AK9: variants seen among roughly 807,000 people sequenced by gnomAD.
The protein encoded by AK9 is adenylate kinase 9.
AK9 carries 191 observed loss-of-function variants against 239.6 expected under a neutral mutation model. The ratio of observed to expected loss-of-function variants is 0.80; its 90% CI spans 0.71 to 0.90. The LOEUF is 0.90. Ranked by LOEUF, AK9 falls within the 40% of genes least tolerant of loss-of-function variation. AK9 has a pLI of 0.00. For synonymous variants in AK9, 689 were observed against 721.0 expected (o/e 0.96, Z 0.71); for missense variants, 1,995 against 2,214.7 (o/e 0.90, Z 1.99).
At chr6:109,576,420 C>CTTTTT (rs3060763) in intron 20 of AK9, among the ~76,000 whole-genome samples, 34,311 of 102,468 alleles carry the variant, frequency 0.33, 7,486 homozygotes, top group South Asian at 0.48. Context: ...CATATATATA[C>CTTTTT]TTTTTTTTTT....
intron 15 of AK9, among the ~76,000 whole-genome samples, chr6:109,613,848 C>T (rs1583258585): frequency 6.6e-6 from 1 of 151,832 alleles, no homozygotes; most frequent in East Asian, 1.9e-4. Flanking sequence ...AAAATTGTGG[C>T]CTTAAGATGC....
At chr6:109,677,398 G>A (rs761448649) in intron 1 of AK9, among the ~76,000 whole-genome samples, 1 of 152,050 alleles carries the variant, frequency 6.6e-6, no homozygotes, top group Non-Finnish European at 1.5e-5. Flanking sequence ...GATATATCAT[G>A]TGCACTAACT....
intron 33 of AK9, among the ~76,000 whole-genome samples, 162 bp downstream of exon 33, chr6:109,509,017 A>G (rs1445640672): frequency 3.9e-5 from 6 of 152,204 alleles, no homozygotes; most frequent in Admixed American, 2.0e-4. Flanking sequence ...TGCTTGACAG[A>G]AAATTCAAAT....
At chr6:109,631,347 A>G (rs1378820370) in intron 12 of AK9, among the ~76,000 whole-genome samples, 1 of 152,236 alleles carries the variant, frequency 6.6e-6, no homozygotes, top group Non-Finnish European at 1.5e-5. Flanking sequence ...ATAATATACA[A>G]AAACACAACT....
intron 28 of AK9, among the ~76,000 whole-genome samples, chr6:109,529,851 G>A (rs1781004268): frequency 6.6e-6 from 1 of 152,130 alleles, no homozygotes; most frequent in Non-Finnish European, 1.5e-5. Flanking sequence ...ATGGGGAGCG[G>A]CTGTAAATAC....
At chr6:109,664,774 C>T (rs1800943366) in intron 5 of AK9, among the ~76,000 whole-genome samples, 1 of 151,868 alleles carries the variant, frequency 6.6e-6, no homozygotes, top group Admixed American at 6.5e-5. Context: ...GTGGGTCATG[C>T]CTGTAATCCC....
intron 3 of AK9, 23 bp downstream of exon 3, chr6:109,674,175 T>A: frequency 5.8e-6 from 9 of 1,540,240 alleles, no homozygotes; most frequent in Non-Finnish European, 7.9e-6. Context: ...AATAAAATAT[T>A]AGAGAAAAAA....
chr6:109,597,658 G>A (rs1478838347), intron 17 of AK9, among the ~76,000 whole-genome samples: 1 of 145,252 alleles, frequency 6.9e-6, no homozygotes, highest in East Asian at 2.1e-4. Context: ...GGGGGACAGA[G>A]AGAGACACCG....
chr6:109,536,529 C>A (rs567598056), intron 27 of AK9, among the ~76,000 whole-genome samples: 8 of 152,124 alleles, frequency 5.3e-5, no homozygotes, highest in Non-Finnish European at 1.5e-5. Flanking sequence ...TTTCTAAATA[C>A]ACAATCATGT....
At chr6:109,569,355 AG>A (rs1223794859) in intron 21 of AK9, among the ~76,000 whole-genome samples, 1 of 152,238 alleles carries the variant, frequency 6.6e-6, no homozygotes, top group Non-Finnish European at 1.5e-5. Flanking sequence ...AATACCATTC[AG>A]GACATAGACA....
At chr6:109,588,286 G>A (rs1028867323) in intron 17 of AK9, among the ~76,000 whole-genome samples, 2 of 152,024 alleles carry the variant, frequency 1.3e-5, no homozygotes, top group Admixed American at 1.3e-4. Context: ...AGCCAGGATG[G>A]TCTCGATCTC....
intron 24 of AK9, among the ~76,000 whole-genome samples, chr6:109,551,926 C>G (rs1358806668): frequency 6.6e-6 from 1 of 152,020 alleles, no homozygotes; most frequent in Non-Finnish European, 1.5e-5. Flanking sequence ...TCTTGGTGTC[C>G]ATGTGTTTTC....
chr6:109,554,851 G>A (rs986335416), intron 24 of AK9, among the ~76,000 whole-genome samples: 1 of 152,034 alleles, frequency 6.6e-6, no homozygotes, highest in Non-Finnish European at 1.5e-5. Context: ...GTATTTCTGT[G>A]GGGTCAGTGG....
intron 20 of AK9, among the ~76,000 whole-genome samples, chr6:109,574,677 C>CA (rs2128198412): frequency 1.3e-5 from 2 of 152,086 alleles, no homozygotes; most frequent in African/African-American, 4.8e-5. Flanking sequence ...TTAAGAACTC[C>CA]AGTCTTTTTT....
intron 21 of AK9, among the ~76,000 whole-genome samples, chr6:109,566,937 G>C (rs1786614014): frequency 6.6e-6 from 1 of 152,312 alleles, no homozygotes; most frequent in East Asian, 1.9e-4. Flanking sequence ...GCAGTGTGTA[G>C]AGGGAAAGTT....
chr6:109,642,273 A>T (rs1383459681), intron 9 of AK9, among the ~76,000 whole-genome samples: 2 of 152,160 alleles, frequency 1.3e-5, no homozygotes. Flanking sequence ...AACCCCAGGA[A>T]ATTTGTGCAG....
intron 17 of AK9, among the ~76,000 whole-genome samples, chr6:109,588,081 T>C (rs1042941669): frequency 1.3e-5 from 2 of 152,162 alleles, no homozygotes; most frequent in Non-Finnish European, 2.9e-5. Flanking sequence ...TGCCTTCTTT[T>C]TTTTTTTGAG....
intron 27 of AK9, among the ~76,000 whole-genome samples, chr6:109,536,107 A>C (rs565964917): frequency 2.0e-3 from 297 of 152,274 alleles, no homozygotes; most frequent in Admixed American, 5.0e-3. Flanking sequence ...TTGGTTCCAT[A>C]TGAACTTTAA....
chr6:109,669,296 G>A (rs1195236665), intron 5 of AK9, among the ~76,000 whole-genome samples: 3 of 152,198 alleles, frequency 2.0e-5, no homozygotes, highest in Admixed American at 2.0e-4. Context: ...GGGCTGAGAC[G>A]ATGGGGTTTT....
Sources: gnomAD v4.1 joint callset for allele counts (sites outside exome capture counted in the v4.1 genomes callset) on GRCh38, gnomAD v4.1.1 for gene constraint, MANE v1.5 for transcripts, NCBI Gene and HGNC (gene_info 2026-07-23, HGNC 2026-07-21) for gene names.